The following SPIRE1 variants were observed in gnomAD, a reference collection of about 807,000 sequenced individuals.
The protein encoded by SPIRE1 is spire type actin nucleation factor 1.
SPIRE1 carries 40 observed loss-of-function variants against 94.1 expected under a neutral mutation model. The observed-to-expected ratio is 0.43, with a 90% CI of 0.33 to 0.55. The LOEUF is 0.55. SPIRE1 is among the 20% of genes least tolerant of loss of function. The pLI is 0.06. For missense variants in SPIRE1, 838 were observed against 975.2 expected (o/e 0.86, Z 1.87); for synonymous variants, 376 against 371.7 (o/e 1.01, Z -0.13).
intron 4 of SPIRE1, among the ~76,000 whole-genome samples, chr18:12,520,811 G>A (rs2034335607): frequency 6.6e-6 from 1 of 152,148 alleles, no homozygotes; most frequent in African/African-American, 2.4e-5. Context: ...GTGAGGAATA[G>A]GCAAGGAATA....
chr18:12,633,567 C>T (rs1161163208), intron 2 of SPIRE1, among the ~76,000 whole-genome samples: 2 of 143,098 alleles, frequency 1.4e-5, no homozygotes, highest in Non-Finnish European at 3.1e-5. Flanking sequence ...CACAGCAAGG[C>T]TCTGTCTCAA....
chr18:12,613,425 C>T (rs904969965), intron 2 of SPIRE1, among the ~76,000 whole-genome samples: 5 of 152,166 alleles, frequency 3.3e-5, no homozygotes, highest in Non-Finnish European at 7.3e-5. Context: ...TTCTCTTGTC[C>T]CTTCAAACAT....
Position 12,642,105 on chromosome 18 carries a change from A to C in SPIRE1, c.338-7009T>G, listed in dbSNP as rs145319283. On this transcript the variant is annotated intron_variant, in intron 1 of 16. Transcript: ENST00000409402. ...TCAGCGTGAATGTTATGGATTTGATACAAAAAACAGTCAGGGACATGACCT... is the reference window on the plus strand; with the variant it reads ...TCAGCGTGAATGTTATGGATTTGATCCAAAAAACAGTCAGGGACATGACCT... 1.1e-3 allele frequency among the ~76,000 whole-genome samples: 170 copies of C among 152,278 alleles called. 1 individual carries two copies. Among genetic ancestry groups the C allele is most frequent in the East Asian group, 7.1e-3 (37 of 5,194 alleles).
chr18:12,609,857 C>G (rs956977012), intron 2 of SPIRE1, among the ~76,000 whole-genome samples: 1 of 151,828 alleles, frequency 6.6e-6, no homozygotes, highest in South Asian at 2.1e-4. Context: ...GAGAGGCTTC[C>G]GGTGTAACCT....
intron 4 of SPIRE1, among the ~76,000 whole-genome samples, chr18:12,533,884 T>C (rs745572825): frequency 2.0e-5 from 3 of 151,184 alleles, no homozygotes; most frequent in Non-Finnish European, 4.4e-5. Context: ...AAGCTTTTAA[T>C]CAGATCCCAC....
At chr18:12,633,910 C>T (rs11662531) in intron 2 of SPIRE1, among the ~76,000 whole-genome samples, 25,778 of 152,038 alleles carry the variant, frequency 0.17, 2,521 homozygotes, top group Middle Eastern at 0.23. Context: ...CACATAGAAA[C>T]CCCTTAAATT....
intron 2 of SPIRE1, among the ~76,000 whole-genome samples, chr18:12,617,158 T>C (rs11660776): frequency 0.61 from 82,960 of 136,996 alleles, 24,361 homozygotes; most frequent in Middle Eastern, 0.77. Context: ...CCATGCTCAC[T>C]ATTTTTTTTT....
intron 16 of SPIRE1, chr18:12,450,954 GTCCTGCTAAAGTTGC>G: frequency 1.6e-6 from 1 of 639,678 alleles, no homozygotes; most frequent in South Asian, 1.5e-5. Flanking sequence ...GGAGAAAAGG[GTCCTGCTAAAGTTGC>G]CCAGAAAAAG....
chr18:12,623,927 CTT>C (rs573294664), intron 2 of SPIRE1, among the ~76,000 whole-genome samples: 1 of 132,570 alleles, frequency 7.5e-6, no homozygotes. Flanking sequence ...TGCACTCGGC[CTT>C]TTTTTTTTTC....
intron 10 of SPIRE1, among the ~76,000 whole-genome samples, chr18:12,472,639 G>A (rs2032405492): frequency 6.6e-6 from 1 of 151,230 alleles, no homozygotes. Context: ...AAAGTGCTGG[G>A]ATTACAGGTG....
At chr18:12,628,550 A>G (rs929937155) in intron 2 of SPIRE1, among the ~76,000 whole-genome samples, 2 of 152,122 alleles carry the variant, frequency 1.3e-5, no homozygotes, top group Admixed American at 6.5e-5. Flanking sequence ...TTGGTTCTAT[A>G]TGAACTTTAA....
At chr18:12,565,593 T>TGG (rs907290834) in intron 2 of SPIRE1, among the ~76,000 whole-genome samples, 1 of 151,946 alleles carries the variant, frequency 6.6e-6, no homozygotes, top group African/African-American at 2.4e-5. Context: ...AAGCTGGTCT[T>TGG]GAATTCCTGA....
intron 2 of SPIRE1, among the ~76,000 whole-genome samples, chr18:12,632,685 C>T (rs927655096): frequency 1.3e-5 from 2 of 151,900 alleles, no homozygotes; most frequent in Non-Finnish European, 2.9e-5. Context: ...TTGTGTTTTG[C>T]CCCCTCCAAA....
chr18:12,658,192 T>G (rs3902981), upstream of SPIRE1: 258,102 of 681,992 alleles, frequency 0.38, 51,306 homozygotes, highest in Non-Finnish European at 0.41. Context: ...GGCCGGGGGA[T>G]GCACGCTCTG....
At chr18:12,488,556 T>G (rs1233789981) in intron 8 of SPIRE1, among the ~76,000 whole-genome samples, 1 of 152,034 alleles carries the variant, frequency 6.6e-6, no homozygotes, top group East Asian at 1.9e-4. Flanking sequence ...TAGCAGCTGG[T>G]TTTAAAGGAA....
chr18:12,524,016 T>C (rs568710466), intron 4 of SPIRE1, among the ~76,000 whole-genome samples: 1 of 152,352 alleles, frequency 6.6e-6, no homozygotes, highest in African/African-American at 2.4e-5. Flanking sequence ...ATTAATTTTG[T>C]ATGCATTAGG....
At chr18:12,621,394 CA>C (rs1293024944) in intron 2 of SPIRE1, among the ~76,000 whole-genome samples, 1 of 152,160 alleles carries the variant, frequency 6.6e-6, no homozygotes, top group Non-Finnish European at 1.5e-5. Flanking sequence ...AAAATGAAAA[CA>C]TATGTCCACA....
At chr18:12,513,269 G>C (rs1408212835) in intron 4 of SPIRE1, among the ~76,000 whole-genome samples, 1 of 152,066 alleles carries the variant, frequency 6.6e-6, no homozygotes, top group African/African-American at 2.4e-5. Flanking sequence ...AATCTTGGTT[G>C]CTAAAATATA....
chr18:12,561,063 T>A (rs923336141), intron 2 of SPIRE1, among the ~76,000 whole-genome samples: 1 of 152,148 alleles, frequency 6.6e-6, no homozygotes, highest in African/African-American at 2.4e-5. Context: ...GCACTGGATG[T>A]CTGTATCAAA....
Sources: gnomAD v4.1 joint callset for allele counts (sites outside exome capture counted in the v4.1 genomes callset) on GRCh38, gnomAD v4.1.1 for gene constraint, MANE v1.5 for transcripts, NCBI Gene and HGNC (gene_info 2026-07-23, HGNC 2026-07-21) for gene names.